VGLL3: variants seen among roughly 807,000 people sequenced by gnomAD.
VGLL3 encodes transcription cofactor vestigial-like protein 3.
A neutral mutation model predicts 29.2 loss-of-function variants in VGLL3; 18 were observed. The observed-to-expected ratio is 0.62, with a 90% confidence interval of 0.43 to 0.91. The LOEUF (loss-of-function observed/expected upper bound fraction) is 0.91. Among genes scored for constraint, VGLL3 ranks in the 40% least tolerant of loss-of-function variants. VGLL3 has a pLI of 0.00. For missense variants in VGLL3, 440 were observed against 413.2 expected, an observed-to-expected ratio of 1.06 and a Z score of -0.56; for synonymous variants, 180 against 151.8, an observed-to-expected ratio of 1.19 and a Z score of -1.36.
chr3:86,991,075 G>T lies in VGLL3; in HGVS notation c.-332C>A, dbSNP rs929060761. 1.7e-4 allele frequency: 66 copies of T among 386,872 alleles called. No homozygotes were observed. Among genetic ancestry groups the T allele is most frequent in the Non-Finnish European group, 2.2e-4 (62 of 281,402 alleles). The allele number at this position is 386,872 out of a possible 1,614,324, so 24.0% of individuals were successfully genotyped here. ...CTCCCGCGAGGGCTGCGGCGCCCACGGCAGCGCCAGTCACAGCCACAGCCC... is the reference window on the plus strand; with the variant it reads ...CTCCCGCGAGGGCTGCGGCGCCCACTGCAGCGCCAGTCACAGCCACAGCCC... On this transcript the variant is annotated 5_prime_UTR_variant, in exon 1 of 4. Coordinates refer to ENST00000398399, the MANE Select transcript of VGLL3 (RefSeq NM_016206.4).
intron 3 of VGLL3, 134 bp from the exon 4 acceptor site, chr3:86,947,201 C>A: frequency 1.6e-6 from 1 of 632,504 alleles, no homozygotes; most frequent in Non-Finnish European, 2.9e-6. Flanking sequence ...GACCTGAAGA[C>A]ATCATGATCT....
chr3:86,938,517 A>C lies in VGLL3; in HGVS notation c.*8507T>G, dbSNP rs899867910. On this transcript the variant is annotated 3_prime_UTR_variant, in exon 4 of 4. Transcript: ENST00000398399. The stretch of plus-strand genomic sequence containing the variant: ...AAGATATTAAATCCTCTGTTGCTAT[A>C]TTTGGCTCTCTGCAAATAGTCTCTT... 6.6e-6 allele frequency: 1 copy of C among 152,652 alleles called. No homozygotes were observed. The highest frequency in any genetic ancestry group is 1.5e-5 in the Non-Finnish European group (1 of 68,042). The allele number at this position is 152,652 out of a possible 1,614,324, so 9.5% of individuals were successfully genotyped here. A position where few individuals can be genotyped will look rare whatever the true frequency, so the allele number is the denominator to read the frequency against.
At chr3:86,958,114 A>G (rs939548663) in intron 3 of VGLL3, among the ~76,000 whole-genome samples, 1 of 152,186 alleles carries the variant, frequency 6.6e-6, no homozygotes, top group Non-Finnish European at 1.5e-5. Context: ...ACCATATGGA[A>G]CACAATTCAC....
intron 2 of VGLL3, among the ~76,000 whole-genome samples, chr3:86,976,809 G>C (rs1239336536): frequency 6.6e-6 from 1 of 152,156 alleles, no homozygotes; most frequent in Non-Finnish European, 1.5e-5. Context: ...TAGCAAGGTT[G>C]CATATGCCCA....
intron 3 of VGLL3, chr3:86,962,373 C>T (rs575964180): frequency 5.1e-6 from 5 of 985,326 alleles, no homozygotes; most frequent in East Asian, 1.1e-4. Context: ...GCACAGCCCT[C>T]ACAGTATGGA....
chr3:86,957,759 G>A (rs183155035), intron 3 of VGLL3, among the ~76,000 whole-genome samples: 4 of 152,124 alleles, frequency 2.6e-5, no homozygotes, highest in African/African-American at 4.8e-5. Flanking sequence ...AATTTGGGAG[G>A]GGGTAATAAA....
intron 3 of VGLL3, among the ~76,000 whole-genome samples, chr3:86,957,746 G>A (rs1266993036): frequency 1.3e-5 from 2 of 152,106 alleles, no homozygotes; most frequent in Non-Finnish European, 2.9e-5. Context: ...GAGCCCCTAA[G>A]TGAATTTGGG....
intron 3 of VGLL3, chr3:86,962,653 G>C: frequency 1.1e-6 from 1 of 889,102 alleles, no homozygotes; most frequent in Non-Finnish European, 1.3e-6. Flanking sequence ...TAAAAAGTGA[G>C]GTTCTCTTAA....
intron 3 of VGLL3, among the ~76,000 whole-genome samples, chr3:86,950,774 A>G (rs1218766325): frequency 6.6e-6 from 1 of 152,170 alleles, no homozygotes; most frequent in Non-Finnish European, 1.5e-5. Context: ...TATTTAACTG[A>G]TGTGTCTCTC....
At chr3:86,990,257 T>C in intron 1 of VGLL3, 9 of 966,496 alleles carry the variant, frequency 9.3e-6, no homozygotes, top group Non-Finnish European at 9.8e-6. Flanking sequence ...CATTCCATCT[T>C]TCCAAATAAA....
intron 1 of VGLL3, among the ~76,000 whole-genome samples, chr3:86,980,568 A>G (rs1369268389): frequency 6.6e-6 from 1 of 152,144 alleles, no homozygotes; most frequent in Admixed American, 6.6e-5. Flanking sequence ...ACCTCTGCAC[A>G]GATTTGAACA....
chr3:86,968,949 T>G lies in VGLL3; in HGVS notation c.578A>C (p.His193Pro). The G allele has an allele frequency of 1.9e-6, 3 of 1,614,142 alleles. No homozygotes were observed. The highest frequency in any genetic ancestry group is 2.5e-6 in the Non-Finnish European group (3 of 1,180,022). ...DPSPWPGHNL[H>P]QTGPAPPPAV... ...AGGGGGAGGGGCTGGGCCAGTCTGA[T>G]GCAGGTTGTGTCCCGGCCAAGGACT... Residue 193 changes from histidine to proline, a missense_variant, in exon 3 of 4, where the codon CAT (histidine) becomes CCT (proline). By Grantham distance (77) the His-to-Pro change is moderately conservative. Coordinates refer to ENST00000398399, the MANE Select transcript of VGLL3 (RefSeq NM_016206.4).
At position 86,981,958 on chromosome 3, in the gene VGLL3, T is replaced by C. The variant is rs1227764781; in HGVS notation, c.127-3156A>G. ...CTGATAACTCACTAATGTGCCAAGG[T>C]TGAATTTGCATACTTGTTTTTAACA... On this transcript the variant is annotated intron_variant, in intron 1 of 3. Coordinates refer to ENST00000398399, the MANE Select transcript of VGLL3 (RefSeq NM_016206.4). Among the ~76,000 whole-genome samples, 7 of 152,176 alleles carry C rather than the reference T, an allele frequency of 4.6e-5. 1 individual carries two copies. The highest frequency in any genetic ancestry group is 8.8e-5 in the Non-Finnish European group (6 of 68,030).
At chr3:86,970,483 G>GCGCACACACACA (rs1553706434) in intron 2 of VGLL3, among the ~76,000 whole-genome samples, 2 of 141,200 alleles carry the variant, frequency 1.4e-5, no homozygotes, top group Non-Finnish European at 3.1e-5. Context: ...TTACACACAC[G>GCGCACACACACA]CACACACACA....
rs755810573 is a variant in VGLL3, at chr3:86,990,684, G to C, written c.60C>G (p.Pro20=). 4.2e-6 allele frequency: 6 copies of C among 1,425,830 alleles called. No homozygotes were observed. In the African/African-American group the frequency reaches 8.9e-5, roughly 21 times the overall value. 88.3% of individuals were successfully genotyped at this position (1,425,830 alleles called of 1,614,324 possible). A position where few individuals can be genotyped will look rare whatever the true frequency, so the allele number is the denominator to read the frequency against. ...GGCAGGTTGTCGCTGCCATGGGGTTGGGCAGATACTGGGACGCTCCATAAG... is the reference window on the plus strand; with the variant it reads ...GGCAGGTTGTCGCTGCCATGGGGTTCGGCAGATACTGGGACGCTCCATAAG... The part of the protein sequence containing the change: ...PQPYGASQYL[P]NPMAATTCPT... The change falls in exon 1 of 4, where the codon CCC becomes CCG. Residue 20 remains proline, a synonymous_variant. Coordinates refer to ENST00000398399, the MANE Select transcript of VGLL3 (RefSeq NM_016206.4).
chr3:86,969,240 T>G, intron 2 of VGLL3, 117 bp from the exon 3 acceptor site: 1 of 1,251,912 alleles, frequency 8.0e-7, no homozygotes, highest in Non-Finnish European at 1.1e-6. Context: ...CAAATTAGCA[T>G]GCACTCTTAT....
chr3:86,975,095 G>C (rs1705180968), intron 2 of VGLL3, among the ~76,000 whole-genome samples: 1 of 152,138 alleles, frequency 6.6e-6, no homozygotes, highest in Admixed American at 6.5e-5. Flanking sequence ...TTACAGTTGA[G>C]GAAGTTGATG....
intron 1 of VGLL3, among the ~76,000 whole-genome samples, chr3:86,985,800 C>A (rs1705428066): frequency 6.6e-6 from 1 of 152,094 alleles, no homozygotes; most frequent in Non-Finnish European, 1.5e-5. Context: ...GGAGGTAATA[C>A]CCTAACATAT....
intron 3 of VGLL3, among the ~76,000 whole-genome samples, chr3:86,953,960 T>A (rs879090581): frequency 6.6e-6 from 1 of 152,238 alleles, no homozygotes; most frequent in Non-Finnish European, 1.5e-5. Flanking sequence ...TTAAATTTAT[T>A]ATATTTTAAG....
Sources: allele counts gnomAD v4.1 joint callset (sites outside exome capture counted in the v4.1 genomes callset), GRCh38; gene constraint gnomAD v4.1.1; transcripts MANE v1.5; gene names NCBI Gene and HGNC (gene_info 2026-07-23, HGNC 2026-07-21).